Variants in PLEKHA5 observed in about 807,000 individuals in gnomAD.
PLEKHA5 encodes the protein pleckstrin homology domain containing A5, also known as pleckstrin homology domain-containing family A member 5.
A neutral mutation model predicts 181.9 loss-of-function variants in PLEKHA5; 55 were observed. The observed-to-expected ratio is 0.30, with a 90% CI of 0.24 to 0.38. PLEKHA5 has a LOEUF of 0.38. Among genes scored for constraint, PLEKHA5 ranks in the 10% least tolerant of loss-of-function variants. The pLI, the probability that PLEKHA5 is intolerant of heterozygous loss-of-function variation, is 1.00. For synonymous variants in PLEKHA5, 535 were observed against 529.4 expected, an observed-to-expected ratio of 1.01 and a Z score of -0.15; for missense variants, 1,432 against 1,549.5, an observed-to-expected ratio of 0.92 and a Z score of 1.27.
At position 19,268,113 on chromosome 12, in the gene PLEKHA5, A is replaced by T. The variant is rs565733761; in HGVS notation, c.712-1657A>T. Among the ~76,000 whole-genome samples the T allele has an allele frequency of 3.9e-5, 6 of 152,304 alleles. No homozygotes were observed. The South Asian group carries it at 1.2e-3, about 32-fold the overall frequency. On this transcript the variant is annotated intron_variant, in intron 8 of 31. Transcript: ENST00000429027. ...TAAGAGGGGAGTATCTTCATAGTTA[A>T]ATTAACTTTATCAAAATAAACTGTA...
At chr12:19,331,970 A>T (rs1026835622) in intron 20 of PLEKHA5, among the ~76,000 whole-genome samples, 4 of 152,100 alleles carry the variant, frequency 2.6e-5, no homozygotes, top group Non-Finnish European at 5.9e-5. Flanking sequence ...GTGAGCTGAG[A>T]TCACACCACT....
intron 3 of PLEKHA5, among the ~76,000 whole-genome samples, chr12:19,245,858 A>G (rs1168953076): frequency 6.6e-6 from 1 of 152,130 alleles, no homozygotes; most frequent in African/African-American, 2.4e-5. Context: ...CAACCCAATA[A>G]AGATGGCAGT....
intron 3 of PLEKHA5, among the ~76,000 whole-genome samples, chr12:19,178,278 T>G (rs538178079): frequency 6.6e-6 from 1 of 152,350 alleles, no homozygotes; most frequent in Non-Finnish European, 1.5e-5. Flanking sequence ...TTTTCTCTTG[T>G]ACATTATATT....
At chr12:19,354,542 G>A (rs531809241) in intron 26 of PLEKHA5, among the ~76,000 whole-genome samples, 8 of 146,470 alleles carry the variant, frequency 5.5e-5, no homozygotes, top group Non-Finnish European at 9.0e-5. Context: ...GTGCAGTGGC[G>A]TGATTTCAGC....
chr12:19,325,630 G>A (rs956744196), intron 20 of PLEKHA5, among the ~76,000 whole-genome samples: 6 of 149,674 alleles, frequency 4.0e-5, no homozygotes, highest in Non-Finnish European at 3.0e-5. Flanking sequence ...GGTGGTTGCA[G>A]TGAGCCGAGA....
intron 8 of PLEKHA5, 110 bp from the exon 9 acceptor site, chr12:19,269,660 C>T: frequency 1.8e-6 from 1 of 552,348 alleles, no homozygotes; most frequent in Admixed American, 3.3e-5. Flanking sequence ...AGTCTACTTT[C>T]TCTGAAATTT....
chr12:19,138,693 G>A (rs960132403), intron 3 of PLEKHA5, among the ~76,000 whole-genome samples: 6 of 151,988 alleles, frequency 3.9e-5, no homozygotes, highest in African/African-American at 1.2e-4. Flanking sequence ...AGGCCTGAGG[G>A]TATAGATGGG....
chr12:19,237,838 A>G (rs540045745), intron 3 of PLEKHA5, among the ~76,000 whole-genome samples: 1 of 151,960 alleles, frequency 6.6e-6, no homozygotes, highest in Non-Finnish European at 1.5e-5. Flanking sequence ...TAAAAGCATT[A>G]GTTTAAAAAG....
chr12:19,181,538 G>T (rs557190629), intron 3 of PLEKHA5, among the ~76,000 whole-genome samples: 1 of 152,200 alleles, frequency 6.6e-6, no homozygotes, highest in African/African-American at 2.4e-5. Context: ...AATTTGGGAG[G>T]CCTAGGCGGG....
At chr12:19,235,788 A>G (rs1235052139) in intron 3 of PLEKHA5, among the ~76,000 whole-genome samples, 3 of 152,198 alleles carry the variant, frequency 2.0e-5, no homozygotes, top group African/African-American at 7.2e-5. Context: ...AAACATACAC[A>G]CACACAATTA....
chr12:19,244,448 C>T (rs1006078147), intron 3 of PLEKHA5, among the ~76,000 whole-genome samples: 1 of 152,214 alleles, frequency 6.6e-6, no homozygotes, highest in Non-Finnish European at 1.5e-5. Context: ...TCTTCTGCCC[C>T]ACTCCAGTCT....
At chr12:19,310,274 C>G (rs2085977278) in intron 15 of PLEKHA5, among the ~76,000 whole-genome samples, 1 of 152,088 alleles carries the variant, frequency 6.6e-6, no homozygotes, top group African/African-American at 2.4e-5. Context: ...TTCTTATATT[C>G]AAACCAGAAG....
At chr12:19,190,128 C>T (rs369040864) in intron 3 of PLEKHA5, among the ~76,000 whole-genome samples, 1 of 152,146 alleles carries the variant, frequency 6.6e-6, no homozygotes. Flanking sequence ...CTTCACTTCA[C>T]CTTTTGAAAG....
rs199683682 is a variant in PLEKHA5 at position 19,164,191 on chromosome 12, G to GTTTT, written c.227+31743_227+31746dup. On this transcript the variant is annotated intron_variant, in intron 3 of 31. Coordinates refer to ENST00000429027, the MANE Select transcript of PLEKHA5 (RefSeq NM_001256470.2). ...TTTCCCCACTTCTTGCTCTCCAGAT[G>GTTTT]TTTTTGTTTTTTTTTTTTTTTTTTT... is the stretch of plus-strand genomic sequence containing the variant. Among the ~76,000 whole-genome samples, 249 of 119,092 alleles carry GTTTT rather than the reference G, an allele frequency of 2.1e-3. 3 individuals carry two copies. Among genetic ancestry groups the GTTTT allele is most frequent in the Admixed American group, 2.7e-3 (25 of 9,306 alleles). 78.1% of individuals were successfully genotyped at this position (119,092 alleles called of 152,430 possible). A position where few individuals can be genotyped will look rare whatever the true frequency, so the allele number is the denominator to read the frequency against.
At chr12:19,140,271 C>T (rs2036871287) in intron 3 of PLEKHA5, among the ~76,000 whole-genome samples, 2 of 152,164 alleles carry the variant, frequency 1.3e-5, no homozygotes, top group South Asian at 4.1e-4. Context: ...TTTAAGTCTA[C>T]TTTGGTTTCA....
intron 3 of PLEKHA5, among the ~76,000 whole-genome samples, chr12:19,165,756 C>T (rs941735145): frequency 6.6e-6 from 1 of 152,146 alleles, no homozygotes; most frequent in African/African-American, 2.4e-5. Context: ...TCTAAAACCT[C>T]TGTATTTTGG....
At chr12:19,230,680 G>A (rs1188282593) in intron 3 of PLEKHA5, among the ~76,000 whole-genome samples, 1 of 152,132 alleles carries the variant, frequency 6.6e-6, no homozygotes, top group Non-Finnish European at 1.5e-5. Context: ...GTGCCCACCT[G>A]AAACTTGCGC....
intron 3 of PLEKHA5, among the ~76,000 whole-genome samples, chr12:19,146,506 T>A (rs771061661): frequency 2.0e-5 from 3 of 152,220 alleles, no homozygotes; most frequent in Non-Finnish European, 4.4e-5. Context: ...TTTGAGTATA[T>A]ACCCTCAAGT....
At chr12:19,345,539 G>A (rs778058814) in intron 22 of PLEKHA5, among the ~76,000 whole-genome samples, 40 of 152,014 alleles carry the variant, frequency 2.6e-4, no homozygotes, top group Non-Finnish European at 4.9e-4. Context: ...CGAGGCAGGT[G>A]GATCACTTGA....
Sources: allele counts gnomAD v4.1 joint callset (sites outside exome capture counted in the v4.1 genomes callset), GRCh38; gene constraint gnomAD v4.1.1; transcripts MANE v1.5; gene names NCBI Gene and HGNC (gene_info 2026-07-23, HGNC 2026-07-21).